The following OPRK1 variants were observed in gnomAD, a reference collection of about 807,000 sequenced individuals.
OPRK1 encodes the protein kappa-type opioid receptor.
A neutral mutation model predicts 24.5 loss-of-function variants in OPRK1; 15 were observed. That is an observed-to-expected ratio of 0.61 (90% CI 0.41 to 0.94). The LOEUF (loss-of-function observed/expected upper bound fraction) is 0.94. Among genes scored for constraint, OPRK1 ranks in the 40% least tolerant of loss-of-function variants. The pLI, the probability that OPRK1 is intolerant of heterozygous loss-of-function variation, is 0.00. For synonymous variants in OPRK1, 205 were observed against 198.0 expected (o/e 1.04, Z -0.30); for missense variants, 479 against 507.3 (o/e 0.94, Z 0.54).
In OPRK1 at chr8:53,229,280, G is replaced by C; in HGVS notation, c.*17C>G. On this transcript the variant is annotated 3_prime_UTR_variant, in exon 4 of 4. Coordinates refer to ENST00000265572, the MANE Select transcript of OPRK1 (RefSeq NM_000912.5). ...CTCTCTTCCCGAAGAACTGTACGAAGACATCTCCACGACTAGTCATACTGG... is the reference window on the plus strand; with the variant it reads ...CTCTCTTCCCGAAGAACTGTACGAACACATCTCCACGACTAGTCATACTGG... The C allele has an allele frequency of 1.2e-6, 2 of 1,602,762 alleles. No individual in the cohort carries two copies. The highest frequency in any genetic ancestry group is 1.7e-6 in the Non-Finnish European group (2 of 1,173,258).
At chr8:53,244,191 G>A (rs1473478875) in intron 2 of OPRK1, among the ~76,000 whole-genome samples, 1 of 151,708 alleles carries the variant, frequency 6.6e-6, no homozygotes, top group Non-Finnish European at 1.5e-5. Flanking sequence ...ACTGGCCCAG[G>A]GGTGACTTGA....
At chr8:53,246,185 A>G (rs546466134) in intron 2 of OPRK1, among the ~76,000 whole-genome samples, 1 of 152,246 alleles carries the variant, frequency 6.6e-6, no homozygotes, top group South Asian at 2.1e-4. Context: ...GATGTGGGGG[A>G]AGCCAAGGAG....
At chr8:53,247,677 G>A (rs527739412) in intron 2 of OPRK1, among the ~76,000 whole-genome samples, 1 of 56 alleles carries the variant, frequency 0.018, no homozygotes, top group East Asian at 0.5. Flanking sequence ...CTGCACAGGA[G>A]GAAGTCAGGA....
intron 3 of OPRK1, among the ~76,000 whole-genome samples, chr8:53,231,576 T>G (rs1806854743): frequency 6.6e-6 from 1 of 152,216 alleles, no homozygotes; most frequent in Non-Finnish European, 1.5e-5. Context: ...GAAGCCTGTC[T>G]GATCTGTAAT....
At chr8:53,250,302 G>A (rs1807342557) in intron 2 of OPRK1, among the ~76,000 whole-genome samples, 1 of 152,174 alleles carries the variant, frequency 6.6e-6, no homozygotes, top group African/African-American at 2.4e-5. Flanking sequence ...CAAAACACCA[G>A]TCTGAGGAGT....
At chr8:53,235,138 C>T in intron 2 of OPRK1, 27 bp from the exon 3 acceptor site, 1 of 1,584,200 alleles carries the variant, frequency 6.3e-7, no homozygotes, top group Non-Finnish European at 8.6e-7. Flanking sequence ...AATAGCATTT[C>T]CCTCCATTTT....
intron 2 of OPRK1, among the ~76,000 whole-genome samples, chr8:53,237,636 C>A (rs1208454442): frequency 6.6e-6 from 1 of 152,170 alleles, no homozygotes; most frequent in African/African-American, 2.4e-5. Context: ...CTTTAAAATT[C>A]TCAAAGTGAT....
At chr8:53,231,701 A>C (rs1322966416) in intron 3 of OPRK1, among the ~76,000 whole-genome samples, 1 of 152,226 alleles carries the variant, frequency 6.6e-6, no homozygotes, top group Non-Finnish European at 1.5e-5. Flanking sequence ...TAGTACCTGG[A>C]ACATGTGGTG....
chr8:53,251,069 A>T lies in OPRK1; in HGVS notation c.-32T>A, dbSNP rs752491599. On this transcript the variant is annotated 5_prime_UTR_variant, in exon 2 of 4. Coordinates refer to ENST00000265572, the MANE Select transcript of OPRK1 (RefSeq NM_000912.5). ...GCGATTGCAGCAGGAAGGCGAGGAC[A>T]GGCGGCACCTGCGGCGCTGCGGGAG... 9 of 1,466,504 alleles carry T rather than the reference A, an allele frequency of 6.1e-6. No homozygotes were observed. In the South Asian group the frequency reaches 1.3e-4, roughly 21 times the overall value. 90.8% of individuals were successfully genotyped at this position (1,466,504 alleles called of 1,614,324 possible). A position where few individuals can be genotyped will look rare whatever the true frequency, so the allele number is the denominator to read the frequency against.
chr8:53,229,802 T>A lies in OPRK1; in HGVS notation c.638A>T (p.Gln213Leu). ...CCAGGAGTAGTCATCATCTGGGAAC[T>A]GCAAGGAGCACTCAATGACATCGAC... is the stretch of plus-strand genomic sequence containing the variant. ...EDVDVIECSL[Q>L]FPDDDYSWWD... Residue 213 changes from glutamine (Q) to leucine (L), a missense_variant, in exon 4 of 4, where the codon CAG becomes CTG. Gln to Leu is a moderately radical substitution (Grantham distance 113, BLOSUM62 -2). Transcript: ENST00000265572. The A allele has an allele frequency of 6.3e-7, 1 of 1,583,510 alleles. No homozygotes were observed. Among genetic ancestry groups the A allele is most frequent in the Non-Finnish European group, 8.6e-7 (1 of 1,164,654 alleles).
intron 2 of OPRK1, among the ~76,000 whole-genome samples, chr8:53,237,660 T>C (rs1014522990): frequency 1.3e-5 from 2 of 152,220 alleles, no homozygotes; most frequent in African/African-American, 2.4e-5. Flanking sequence ...ACTATAGGCA[T>C]AGCAGAAATT....
At chr8:53,230,607 C>A (rs1166417363) in intron 3 of OPRK1, among the ~76,000 whole-genome samples, 1 of 152,168 alleles carries the variant, frequency 6.6e-6, no homozygotes, top group Non-Finnish European at 1.5e-5. Context: ...ATTTGCTCTG[C>A]TTCTCTTTGC....
At chr8:53,250,488 A>C (rs1807349225) in intron 2 of OPRK1, among the ~76,000 whole-genome samples, 1 of 152,118 alleles carries the variant, frequency 6.6e-6, no homozygotes, top group African/African-American at 2.4e-5. Flanking sequence ...CTGCGCATAG[A>C]GTTTTCAGCA....
chr8:53,250,766 T>C lies in OPRK1; in HGVS notation c.257+15A>G, dbSNP rs1212160866. On this transcript the variant is annotated intron_variant, in intron 2 of 3. Transcript: ENST00000265572. ...CCCCGCCCAGCCCCCAGCGCTGCGC[T>C]GTCCCCGCGCTCACCGGATGATCAC... The C allele has an allele frequency of 1.9e-6, 3 of 1,594,814 alleles. No individual in the cohort carries two copies. The highest frequency in any genetic ancestry group is 2.3e-5 in the East Asian group (1 of 43,680).
intron 2 of OPRK1, among the ~76,000 whole-genome samples, chr8:53,244,580 T>G (rs542683737): frequency 1.1e-4 from 16 of 152,298 alleles, no homozygotes; most frequent in African/African-American, 3.8e-4. Context: ...ACAAATTAAT[T>G]ACAACTAATG....
At position 53,229,964 on chromosome 8, in the gene OPRK1, T is replaced by C. The variant is rs1297716747; in HGVS notation, c.611-135A>G. 2.1e-5 allele frequency: 16 copies of C among 769,312 alleles called. No homozygotes were observed. The East Asian group carries it at 2.8e-4, about 13-fold the overall frequency. 47.7% of individuals were successfully genotyped at this position (769,312 alleles called of 1,614,324 possible). A position where few individuals can be genotyped will look rare whatever the true frequency, so the allele number is the denominator to read the frequency against. On this transcript the variant is annotated intron_variant, in intron 3 of 3. Coordinates refer to ENST00000265572, the MANE Select transcript of OPRK1 (RefSeq NM_000912.5). ...TATGGTAAGATGACATTACCTGAAG[T>C]AGATCACCAAATTACTAATGAATAC... is the stretch of plus-strand genomic sequence containing the variant.
chr8:53,242,397 A>T (rs1379162390), intron 2 of OPRK1: 1 of 155,752 alleles, frequency 6.4e-6, no homozygotes, highest in Non-Finnish European at 1.4e-5. Context: ...GAGCTCTAAC[A>T]ATCTTCATTT....
intron 3 of OPRK1, among the ~76,000 whole-genome samples, chr8:53,234,182 C>CAAAAAAAAAA (rs546459906): frequency 2.4e-4 from 16 of 65,344 alleles, no homozygotes; most frequent in Admixed American, 1.3e-3. Flanking sequence ...GACTCTCTCT[C>CAAAAAAAAAA]AAAAAAAAAA....
chr8:53,241,866 C>T (rs1043577154), intron 2 of OPRK1, among the ~76,000 whole-genome samples: 8 of 152,182 alleles, frequency 5.3e-5, no homozygotes, highest in African/African-American at 1.7e-4. Flanking sequence ...TAACGGGGAG[C>T]GATGATTCCG....
Sources: gnomAD v4.1 joint callset for allele counts (sites outside exome capture counted in the v4.1 genomes callset) on GRCh38, gnomAD v4.1.1 for gene constraint, MANE v1.5 for transcripts, NCBI Gene and HGNC (gene_info 2026-07-23, HGNC 2026-07-21) for gene names.